The following DNA2 variants were observed in gnomAD, a reference collection of about 807,000 sequenced individuals.
DNA2 encodes DNA replication ATP-dependent helicase/nuclease DNA2.
In DNA2, 101 loss-of-function variants were observed where a neutral mutation model predicts 119.1. The ratio of observed to expected loss-of-function variants is 0.85; its 90% CI spans 0.72 to 1.00. DNA2 has a LOEUF of 1.00. Ranked by LOEUF, DNA2 falls within the 50% of genes least tolerant of loss-of-function variation. The pLI is 0.00. For missense variants in DNA2, 1,121 were observed against 1,255.5 expected (o/e 0.89, Z 1.62); for synonymous variants, 366 against 424.4 (o/e 0.86, Z 1.69).
chr10:68,456,273 C>T (rs1590070305), intron 5 of DNA2, among the ~76,000 whole-genome samples: 1 of 152,046 alleles, frequency 6.6e-6, no homozygotes, highest in East Asian at 1.9e-4. Context: ...AACTAGCACA[C>T]ACAAGTTAAG....
chr10:68,472,048 C>G, upstream of DNA2: 2 of 1,602,080 alleles, frequency 1.2e-6, no homozygotes, highest in Non-Finnish European at 1.7e-6. Context: ...ACGTGGGGCC[C>G]CTCACCTGAG....
intron 14 of DNA2, among the ~76,000 whole-genome samples, chr10:68,424,177 A>C (rs2051703764): frequency 6.6e-6 from 1 of 152,172 alleles, no homozygotes; most frequent in Non-Finnish European, 1.5e-5. Context: ...AATAGAAGAT[A>C]GAAAGAATAA....
intron 14 of DNA2, among the ~76,000 whole-genome samples, chr10:68,429,505 T>G (rs1294972711): frequency 1.3e-5 from 2 of 148,682 alleles, no homozygotes; most frequent in Admixed American, 6.8e-5. Context: ...GATGGCGCCA[T>G]TGCACTCCAG....
intron 18 of DNA2, 74 bp from the exon 19 acceptor site, chr10:68,419,287 A>G (rs2051635206): frequency 8.4e-7 from 1 of 1,184,186 alleles, no homozygotes; most frequent in Non-Finnish European, 1.1e-6. Flanking sequence ...TAATAATTAA[A>G]TGTTTACATT....
upstream of DNA2, chr10:68,472,067 C>T: frequency 1.3e-6 from 2 of 1,589,296 alleles, no homozygotes; most frequent in African/African-American, 1.3e-5. Context: ...AGCAGCAGGG[C>T]TCTGTCCCCT....
chr10:68,432,853 C>T (rs1256428334), intron 10 of DNA2, among the ~76,000 whole-genome samples: 2 of 152,162 alleles, frequency 1.3e-5, no homozygotes, highest in Non-Finnish European at 2.9e-5. Context: ...GGAGTGCAGG[C>T]TTCTTTTCTG....
intron 3 of DNA2, among the ~76,000 whole-genome samples, chr10:68,467,137 G>A (rs545588711): frequency 2.6e-5 from 4 of 151,976 alleles, no homozygotes; most frequent in South Asian, 2.1e-4. Flanking sequence ...GTTTTGAGAC[G>A]GAGTCTCCCT....
Position 68,449,365 on chromosome 10 carries a change from T to C in DNA2, c.939+663A>G, listed in dbSNP as rs1384223181. ...TTCAAGTCTTTAAAAAGGGGAAACA[T>C]TTTTTCTTCCACTTCCAACATCTAC... On this transcript the variant is annotated intron_variant, in intron 6 of 20. Transcript: ENST00000358410. 5.9e-5 allele frequency among the ~76,000 whole-genome samples: 9 copies of C among 152,266 alleles called. No homozygotes were observed. In the East Asian group the frequency reaches 1.7e-3, roughly 29 times the overall value.
intron 6 of DNA2, among the ~76,000 whole-genome samples, chr10:68,447,013 T>C (rs1188255499): frequency 6.6e-6 from 1 of 152,158 alleles, no homozygotes; most frequent in Non-Finnish European, 1.5e-5. Flanking sequence ...ACTGGGTTAT[T>C]TGTAACACAA....
upstream of DNA2, chr10:68,472,098 G>C (rs1457929943): frequency 6.5e-7 from 1 of 1,539,812 alleles, no homozygotes; most frequent in East Asian, 2.5e-5. Context: ...CCTTGCTTAG[G>C]ACTGGGAATA....
At chr10:68,440,896 C>A (rs985451276) in intron 9 of DNA2, among the ~76,000 whole-genome samples, 3 of 152,142 alleles carry the variant, frequency 2.0e-5, no homozygotes, top group African/African-American at 7.2e-5. Context: ...AAGATAAATT[C>A]TAGGCCAGGC....
chr10:68,439,008 G>A (rs2051929407), intron 9 of DNA2, among the ~76,000 whole-genome samples: 1 of 140,972 alleles, frequency 7.1e-6, no homozygotes, highest in South Asian at 2.4e-4. Context: ...ACTCCAGCCT[G>A]GGCAACAGAG....
intron 1 of DNA2, chr10:68,470,600 A>G (rs1590079862): frequency 2.2e-6 from 1 of 453,852 alleles, no homozygotes; most frequent in Non-Finnish European, 4.4e-6. Flanking sequence ...AGCGACAGAA[A>G]AAGACCCCGG....
At position 68,470,086 on chromosome 10, in the gene DNA2, G is replaced by A. The variant is rs773427416; in HGVS notation, c.152C>T (p.Ala51Val). Residue 51 changes from alanine to valine, a missense_variant, in exon 2 of 21, where the codon GCA becomes GTA. Ala to Val is a moderately conservative substitution (Grantham distance 64). Coordinates refer to ENST00000358410, the MANE Select transcript of DNA2 (RefSeq NM_001080449.3). ...CTCTTTGTTCTGTACAGTATTGACT[G>A]CCAACACCAGGTACCGGTTATCCAT... The part of the protein sequence containing the change: ...TGMDNRYLVL[A>V]VNTVQNKEGN... 37 of 1,613,730 alleles carry A rather than the reference G, an allele frequency of 2.3e-5. No homozygotes were observed. In the Middle Eastern group the frequency reaches 6.6e-4, roughly 29 times the overall value.
chr10:68,438,917 C>CA (rs2051927824), intron 9 of DNA2, among the ~76,000 whole-genome samples: 1 of 150,696 alleles, frequency 6.6e-6, no homozygotes, highest in South Asian at 2.1e-4. Context: ...CCTGTAATCC[C>CA]AGCTATTCAG....
intron 5 of DNA2, among the ~76,000 whole-genome samples, chr10:68,451,130 C>T (rs1435051612): frequency 4.6e-5 from 7 of 151,310 alleles, no homozygotes; most frequent in East Asian, 1.9e-4. Context: ...AGAGCTATCT[C>T]CATCATCTAT....
chr10:68,471,854 A>G lies in DNA2; in HGVS notation c.11T>C (p.Leu4Pro). 1 of 1,613,926 alleles carries G rather than the reference A, an allele frequency of 6.2e-7. No individual in the cohort carries two copies. The highest frequency in any genetic ancestry group is 8.5e-7 in the Non-Finnish European group (1 of 1,179,812). The change falls in exon 1 of 21, where the codon CTG (leucine) becomes CCG (proline). Residue 4 changes from leucine (L) to proline (P), a missense_variant. By Grantham distance (98) the Leu-to-Pro change is moderately conservative. Coordinates refer to ENST00000358410, the MANE Select transcript of DNA2 (RefSeq NM_001080449.3). ...CTCCATCAGCAGCTCCAGTTCGTTC[A>G]GCTGCTCCATCCTGGACGCGGGGAT... MEQLNELELLMEKS... is the reference protein window; with the variant it reads MEQPNELELLMEKS...
intron 9 of DNA2, among the ~76,000 whole-genome samples, chr10:68,440,141 TAAAAATAC>T (rs1281049112): frequency 1.3e-5 from 2 of 149,704 alleles, no homozygotes; most frequent in Non-Finnish European, 1.5e-5. Context: ...CCGTCTCTAC[TAAAAATAC>T]AAAAATTAGC....
At chr10:68,448,984 T>TTTGAGCAATTCTCAGCCTCCCGA in intron 6 of DNA2, among the ~76,000 whole-genome samples, 1 of 145,020 alleles carries the variant, frequency 6.9e-6, no homozygotes. Context: ...TGTGTGTGTG[T>TTTGAGCAATTCTCAGCCTCCCGA]GTAGTAGTTT....
Sources: allele counts gnomAD v4.1 joint callset (sites outside exome capture counted in the v4.1 genomes callset), GRCh38; gene constraint gnomAD v4.1.1; transcripts MANE v1.5; gene names NCBI Gene and HGNC (gene_info 2026-07-23, HGNC 2026-07-21).